The following NFATC2 variants were observed in gnomAD, a reference collection of about 807,000 sequenced individuals.
NFATC2 encodes the protein nuclear factor of activated T cells 2.
Under a neutral mutation model 87.3 loss-of-function variants are expected in NFATC2, and 22 were observed. That is an observed-to-expected ratio of 0.25 (90% CI 0.18 to 0.36). The LOEUF (loss-of-function observed/expected upper bound fraction) is 0.36. NFATC2 is among the 10% of genes least tolerant of loss of function. The pLI is 1.00. For missense variants in NFATC2, 1,149 were observed against 1,259.1 expected, an observed-to-expected ratio of 0.91 and a Z score of 1.32; for synonymous variants, 565 against 542.2, an observed-to-expected ratio of 1.04 and a Z score of -0.58.
chr20:51,470,265 A>C (rs757668831), intron 5 of NFATC2, among the ~76,000 whole-genome samples: 1 of 152,164 alleles, frequency 6.6e-6, no homozygotes, highest in African/African-American at 2.4e-5. Context: ...GAGAAGGGTC[A>C]GGTCAGTCTT....
At chr20:51,509,791 G>A (rs1286496149) in intron 3 of NFATC2, among the ~76,000 whole-genome samples, 1 of 152,216 alleles carries the variant, frequency 6.6e-6, no homozygotes, top group Non-Finnish European at 1.5e-5. Flanking sequence ...CATAAAAGCT[G>A]AAATCCAACA....
intron 3 of NFATC2, among the ~76,000 whole-genome samples, chr20:51,513,651 T>C (rs1229007847): frequency 6.6e-6 from 1 of 152,184 alleles, no homozygotes; most frequent in African/African-American, 2.4e-5. Context: ...CCCCAGCCCC[T>C]GATGAATGGG....
intron 3 of NFATC2, among the ~76,000 whole-genome samples, chr20:51,499,751 AAAAGAAAGAAAG>A (rs1225915429): frequency 6.6e-6 from 1 of 151,452 alleles, no homozygotes; most frequent in Non-Finnish European, 1.5e-5. Flanking sequence ...TAAAAAAAAA[AAAAGAAAGAAAG>A]AAAGAAAGAA....
At chr20:51,486,879 A>G (rs561017099) in intron 3 of NFATC2, among the ~76,000 whole-genome samples, 19 of 152,162 alleles carry the variant, frequency 1.2e-4, no homozygotes, top group Non-Finnish European at 2.5e-4. Context: ...TGAAAGAGAC[A>G]TATTATACCA....
At chr20:51,501,762 C>T (rs6123044) in intron 3 of NFATC2, among the ~76,000 whole-genome samples, 40,339 of 152,062 alleles carry the variant, frequency 0.27, 5,517 homozygotes, top group East Asian at 0.39. Flanking sequence ...CCCACCTCCA[C>T]GAGAGCTCGG....
chr20:51,435,311 T>A lies in NFATC2; in HGVS notation c.1909A>T (p.Met637Leu), dbSNP rs1357701609. The A allele has an allele frequency of 2.5e-6, 4 of 1,614,180 alleles. No homozygotes were observed. In the South Asian group the frequency reaches 3.3e-5, roughly 13 times the overall value. The change falls in exon 8 of 11, where the codon ATG (methionine) becomes TTG (leucine). Residue 637 changes from methionine to leucine, a missense_variant. Around this residue, in one of 3 missense-constraint regions of NFATC2, gnomAD observed 581 missense variants for 649.7 expected, o/e 0.89. Transcript: ENST00000371564. ...TVDKDKSQPNMLFVEIPEYRN... is the reference protein window; with the variant it reads ...TVDKDKSQPNLLFVEIPEYRN... ...TATTCAGGGATCTCAACAAAAAGCA[T>A]GTTCTATAAGGAAGGAGTTGTCATG...
intron 9 of NFATC2, among the ~76,000 whole-genome samples, chr20:51,401,128 G>C (rs961631614): frequency 1.3e-5 from 2 of 152,124 alleles, no homozygotes; most frequent in African/African-American, 4.8e-5. Flanking sequence ...CCAGAACGTT[G>C]GGAGGCCGAA....
At chr20:51,456,323 A>G (rs1986539715) in intron 5 of NFATC2, among the ~76,000 whole-genome samples, 1 of 152,146 alleles carries the variant, frequency 6.6e-6, no homozygotes, top group African/African-American at 2.4e-5. Context: ...CCCTCTGAGG[A>G]AGGAAGTATT....
chr20:51,427,537 T>C (rs373764570), intron 9 of NFATC2, among the ~76,000 whole-genome samples: 1 of 151,854 alleles, frequency 6.6e-6, no homozygotes, highest in East Asian at 1.9e-4. Flanking sequence ...AATTCACACA[T>C]CCCCCTTTTT....
Position 51,510,702 on chromosome 20 carries a change from G to A in NFATC2, c.1332+6082C>T, listed in dbSNP as rs143187642. On this transcript the variant is annotated intron_variant, in intron 3 of 10. Coordinates refer to ENST00000371564, the MANE Select transcript of NFATC2 (RefSeq NM_012340.5). ...AGTGGCACGATCACAGCGGACTGCC[G>A]CCCTGAACTCCTGAGCTCAAGCAAT... 2.6e-3 allele frequency among the ~76,000 whole-genome samples: 391 copies of A among 152,230 alleles called. 1 individual carries two copies. Among genetic ancestry groups the A allele is most frequent in the Non-Finnish European group, 4.5e-3 (306 of 68,004 alleles).
intron 1 of NFATC2, among the ~76,000 whole-genome samples, chr20:51,536,132 G>A (rs536107773): frequency 3.3e-5 from 5 of 152,318 alleles, no homozygotes; most frequent in Admixed American, 3.3e-4. Flanking sequence ...ACCTTAGCCA[G>A]GAGTTTTCCA....
At chr20:51,546,660 G>A (rs2076892048), upstream of NFATC2, among the ~76,000 whole-genome samples, 1 of 152,160 alleles carries the variant, frequency 6.6e-6, no homozygotes, top group South Asian at 2.1e-4. Context: ...GGTACTATTT[G>A]ACCCTGGCCC....
intron 5 of NFATC2, among the ~76,000 whole-genome samples, chr20:51,461,440 G>T (rs56062373): frequency 0.014 from 2,172 of 152,342 alleles, 22 homozygotes; most frequent in Non-Finnish European, 0.022. Context: ...CTTCAAGGTG[G>T]CCCCTGCAAA....
chr20:51,547,929 C>T (rs559395817), intron 1 of NFATC2, among the ~76,000 whole-genome samples: 1 of 152,294 alleles, frequency 6.6e-6, no homozygotes, highest in South Asian at 2.1e-4. Flanking sequence ...GCAGAAGCCT[C>T]CTCCCTGGAC....
chr20:51,528,159 GATTCATTACTACAACCC>G (rs2076576192), intron 1 of NFATC2, among the ~76,000 whole-genome samples: 1 of 151,282 alleles, frequency 6.6e-6, no homozygotes, highest in Admixed American at 6.6e-5. Flanking sequence ...GTATGCTTAA[GATTCATTACTACAACCC>G]TGACTGTAAT....
chr20:51,506,885 T>C (rs1021580831), intron 3 of NFATC2, among the ~76,000 whole-genome samples: 3 of 152,094 alleles, frequency 2.0e-5, no homozygotes, highest in Non-Finnish European at 4.4e-5. Flanking sequence ...TCACCTAAGG[T>C]CCCTCAGTGG....
At chr20:51,466,670 C>T (rs1987717550) in intron 5 of NFATC2, among the ~76,000 whole-genome samples, 1 of 152,160 alleles carries the variant, frequency 6.6e-6, no homozygotes, top group Non-Finnish European at 1.5e-5. Context: ...TCTTTGCTAC[C>T]TTCAGATAGG....
intron 1 of NFATC2, among the ~76,000 whole-genome samples, chr20:51,525,832 T>C (rs2076535611): frequency 6.6e-6 from 1 of 152,030 alleles, no homozygotes; most frequent in South Asian, 2.1e-4. Context: ...GCCTTTAAAA[T>C]GTCCATTCTC....
At chr20:51,481,672 C>T (rs1989270957) in intron 3 of NFATC2, among the ~76,000 whole-genome samples, 1 of 152,074 alleles carries the variant, frequency 6.6e-6, no homozygotes, top group South Asian at 2.1e-4. Context: ...CCAACCTTCC[C>T]ATCAAAGGGA....
Sources: gnomAD v4.1 joint callset for allele counts (sites outside exome capture counted in the v4.1 genomes callset) on GRCh38, gnomAD v4.1.1 for gene constraint, gnomAD v4.1.1 regional missense constraint, MANE v1.5 for transcripts, NCBI Gene and HGNC (gene_info 2026-07-23, HGNC 2026-07-21) for gene names.